The following SCN1A variants were observed in gnomAD, a reference collection of about 807,000 sequenced individuals.
The protein encoded by SCN1A is sodium channel protein type 1 subunit alpha.
In SCN1A, 13 loss-of-function variants were observed where a neutral mutation model predicts 193.7. The observed-to-expected ratio is 0.07, with a 90% CI of 0.04 to 0.11. SCN1A has a LOEUF of 0.11. SCN1A is among the 10% of genes least tolerant of loss of function. SCN1A has a pLI of 1.00. For synonymous variants in SCN1A, 781 were observed against 843.6 expected (o/e 0.93, Z 1.29); for missense variants, 1,432 against 2,451.1 (o/e 0.58, Z 8.78).
At chr2:166,096,728 T>A (rs543663530) in intron 2 of SCN1A, among the ~76,000 whole-genome samples, 2 of 152,344 alleles carry the variant, frequency 1.3e-5, no homozygotes, top group South Asian at 4.1e-4. Flanking sequence ...ATCTGACAAT[T>A]TCTTTTCACA....
chr2:166,131,065 A>AT (rs1344026588), upstream of SCN1A, among the ~76,000 whole-genome samples: 1 of 149,158 alleles, frequency 6.7e-6, no homozygotes, highest in Admixed American at 6.7e-5. Context: ...TTTGCATTTT[A>AT]TTTATTTTTT....
rs115368418 is a variant in SCN1A at position 166,005,992 on chromosome 2, G to T, written c.4003-3239C>A. Among the ~76,000 whole-genome samples the T allele has an allele frequency of 7.3e-3, 1,109 of 151,100 alleles. 13 individuals are homozygous for T. Among genetic ancestry groups the T allele is most frequent in the African/African-American group, 0.024 (990 of 41,320 alleles). ...CAATTCTATTTCTGGTTCATTACCT[G>T]CATTTTTAAAAATAAGTCTACACTA... On this transcript the variant is annotated intron_variant, in intron 23 of 28. Transcript: ENST00000674923.
intron 2 of SCN1A, among the ~76,000 whole-genome samples, chr2:166,106,509 A>G (rs1688711094): frequency 1.3e-5 from 2 of 151,994 alleles, no homozygotes; most frequent in African/African-American, 4.8e-5. Flanking sequence ...AAGCAGAAAC[A>G]ATTCTTTAGG....
intron 19 of SCN1A, among the ~76,000 whole-genome samples, chr2:166,026,679 C>CTTTTTTTTTTTTTTTTTTTTT (rs35750460): frequency 1.0e-5 from 1 of 97,710 alleles, no homozygotes; most frequent in Non-Finnish European, 1.9e-5. Flanking sequence ...TTCTTTCTTT[C>CTTTTTTTTTTTTTTTTTTTTT]TTTTTTTTTT....
intron 22 of SCN1A, 132 bp from the exon 23 acceptor site, chr2:166,009,973 C>A: frequency 1.3e-6 from 1 of 798,202 alleles, no homozygotes; most frequent in Non-Finnish European, 1.9e-6. Context: ...TTCAGTAAAC[C>A]TTTAAAAAAT....
At position 166,041,254 on chromosome 2, in the gene SCN1A, T is replaced by G; in HGVS notation, c.2392A>C (p.Asn798His). 4 of 1,612,964 alleles carry G rather than the reference T, an allele frequency of 2.5e-6. No homozygotes were observed. Among genetic ancestry groups the G allele is most frequent in the Non-Finnish European group, 3.4e-6 (4 of 1,178,994 alleles). ...EHYPMTDHFN[N>H]VLTVGNLVFT... ...ACCAAGTTTCCTACTGTAAGCACAT[T>G]ATTGAAATGGTCCGTCATTGGATAG... Residue 798 changes from asparagine to histidine, a missense_variant, in exon 16 of 29, where the codon AAT becomes CAT. By Grantham distance (68) the Asn-to-His change is moderately conservative. Around this residue, in one of 18 missense-constraint regions of SCN1A, gnomAD observed 93 missense variants for 260.4 expected, o/e 0.36. Coordinates refer to ENST00000674923, the MANE Select transcript of SCN1A (RefSeq NM_001165963.4).
In SCN1A at chr2:166,036,778, T is replaced by C. The variant is rs994316685; in HGVS notation, c.2947-248A>G. Among the ~76,000 whole-genome samples the C allele has an allele frequency of 2.6e-5, 4 of 152,348 alleles. No individual in the cohort carries two copies. The East Asian group carries it at 5.8e-4, about 22-fold the overall frequency. ...CTCCCATTCGTAAAGTGAAATTGAA[T>C]GAGCTAATCTAAGGTTTTGTTAACT... is the stretch of plus-strand genomic sequence containing the variant. On this transcript the variant is annotated intron_variant, in intron 18 of 28. Transcript: ENST00000674923.
At chr2:166,128,718 T>C (rs1263013276), upstream of SCN1A, among the ~76,000 whole-genome samples, 1 of 152,206 alleles carries the variant, frequency 6.6e-6, no homozygotes, top group Non-Finnish European at 1.5e-5. Context: ...TCCCATCTTG[T>C]GGACACAGCC....
intron 24 of SCN1A, among the ~76,000 whole-genome samples, chr2:166,000,394 G>C (rs1403868478): frequency 6.6e-6 from 1 of 151,614 alleles, no homozygotes; most frequent in Non-Finnish European, 1.5e-5. Context: ...AAGATAATAA[G>C]TTAATATGAA....
At chr2:165,995,328 C>G (rs1462639237) in intron 27 of SCN1A, among the ~76,000 whole-genome samples, 3 of 151,814 alleles carry the variant, frequency 2.0e-5, no homozygotes, top group Admixed American at 6.6e-5. Context: ...CTAGGAATTA[C>G]TGAAACCTCT....
chr2:166,040,175 C>T (rs558478373), intron 16 of SCN1A, among the ~76,000 whole-genome samples: 1 of 152,264 alleles, frequency 6.6e-6, no homozygotes, highest in Non-Finnish European at 1.5e-5. Flanking sequence ...GCCTCGGCCT[C>T]CCAAAGTGCT....
chr2:166,101,977 T>A (rs1688133475), intron 2 of SCN1A, among the ~76,000 whole-genome samples: 1 of 152,158 alleles, frequency 6.6e-6, no homozygotes, highest in African/African-American at 2.4e-5. Context: ...ACCATGCATA[T>A]GATGAAGGTC....
upstream of SCN1A, among the ~76,000 whole-genome samples, chr2:166,132,540 C>T (rs1691703068): frequency 6.6e-6 from 1 of 152,024 alleles, no homozygotes; most frequent in Non-Finnish European, 1.5e-5. Context: ...GATTAACCTG[C>T]CCTTTTGAAA....
At chr2:166,080,627 A>T (rs561416002) in intron 2 of SCN1A, among the ~76,000 whole-genome samples, 83 of 144,026 alleles carry the variant, frequency 5.8e-4, no homozygotes, top group African/African-American at 2.0e-3. Context: ...ATCCTAAAGA[A>T]GACAGGAAAA....
chr2:166,054,792 G>C, intron 6 of SCN1A, 26 bp from the exon 7 acceptor site: 1 of 1,605,230 alleles, frequency 6.2e-7, no homozygotes, highest in Non-Finnish European at 8.5e-7. Flanking sequence ...CAAAAAATTT[G>C]ATAAAGTAAC....
At chr2:165,995,434 A>G (rs1689894897) in intron 27 of SCN1A, among the ~76,000 whole-genome samples, 1 of 151,802 alleles carries the variant, frequency 6.6e-6, no homozygotes, top group Non-Finnish European at 1.5e-5. Flanking sequence ...GAGTATTGTT[A>G]TTTATCATCA....
intron 8 of SCN1A, 152 bp from the exon 9 acceptor site, chr2:166,052,140 C>T: frequency 1.5e-6 from 1 of 648,228 alleles, no homozygotes; most frequent in Admixed American, 3.0e-5. Context: ...AGGGGAAGAA[C>T]TTATGAAGAT....
chr2:166,145,872 C>T (rs58793361), intron 1 of SCN1A, among the ~76,000 whole-genome samples: 4,013 of 152,090 alleles, frequency 0.026, 168 homozygotes, highest in African/African-American at 0.085. Flanking sequence ...TGGGCATCTA[C>T]GTCTGGATAT....
intron 1 of SCN1A, among the ~76,000 whole-genome samples, chr2:166,143,495 C>G (rs1313639222): frequency 6.6e-6 from 1 of 152,092 alleles, no homozygotes; most frequent in Admixed American, 6.6e-5. Context: ...AAACAAATTC[C>G]AGATCCTAAG....
Sources: gnomAD v4.1 joint callset for allele counts (sites outside exome capture counted in the v4.1 genomes callset) on GRCh38, gnomAD v4.1.1 for gene constraint, gnomAD v4.1.1 regional missense constraint, MANE v1.5 for transcripts, NCBI Gene and HGNC (gene_info 2026-07-23, HGNC 2026-07-21) for gene names.